CIMIP5: variants seen among roughly 807,000 people sequenced by gnomAD.
The protein encoded by CIMIP5 is ciliary microtubule inner protein 5, also known as uncharacterized protein C2orf50.
At chr2:11,152,060 C>T in the CIMIP5 span, among the ~76,000 whole-genome samples, 1 of 152,154 alleles carries the variant, frequency 6.6e-6, no homozygotes, top group Non-Finnish European at 1.5e-5. Flanking sequence ...TCTTCTGTTC[C>T]CGAGCGGGGA....
At chr2:11,148,417 A>G in the CIMIP5 span, among the ~76,000 whole-genome samples, 4 of 151,966 alleles carry the variant, frequency 2.6e-5, no homozygotes, top group Non-Finnish European at 5.9e-5. Flanking sequence ...GCGCCCAGCC[A>G]ACTTTCCACA....
chr2:11,134,437 C>A, the CIMIP5 span, among the ~76,000 whole-genome samples: 1 of 152,198 alleles, frequency 6.6e-6, no homozygotes, highest in Non-Finnish European at 1.5e-5. Flanking sequence ...AGGATGCATT[C>A]ATCTTGCACC....
chr2:11,133,722 A>T, the CIMIP5 span: 3 of 1,379,278 alleles, frequency 2.2e-6, no homozygotes, highest in African/African-American at 4.4e-5. Context: ...TGCCCGGGGG[A>T]AGGTGGGTCA....
the CIMIP5 span, chr2:11,144,042 C>T: frequency 6.2e-7 from 1 of 1,605,708 alleles, no homozygotes; most frequent in Non-Finnish European, 8.5e-7. Context: ...AGACTCTCAT[C>T]CGCATGGACT....
chr2:11,152,812 G>A, the CIMIP5 span, among the ~76,000 whole-genome samples: 6 of 152,122 alleles, frequency 3.9e-5, no homozygotes, highest in South Asian at 2.1e-4. Context: ...GAGATGTCCC[G>A]CTGGGCATGG....
chr2:11,143,988 C>G, the CIMIP5 span: 1 of 1,607,300 alleles, frequency 6.2e-7, no homozygotes, highest in African/African-American at 1.3e-5. Flanking sequence ...TTCCCAGTTC[C>G]ACGAACCAGG....
At chr2:11,141,375 G>A in the CIMIP5 span, among the ~76,000 whole-genome samples, 5 of 151,718 alleles carry the variant, frequency 3.3e-5, no homozygotes, top group Non-Finnish European at 7.4e-5. Context: ...TTAGCCAACT[G>A]CCTCGGCTTC....
chr2:11,142,371 T>C, the CIMIP5 span, among the ~76,000 whole-genome samples: 1 of 150,994 alleles, frequency 6.6e-6, no homozygotes, highest in South Asian at 2.1e-4. Flanking sequence ...CCCTGCCAGG[T>C]TGAGGAAAGT....
At chr2:11,154,486 G>A in the CIMIP5 span, among the ~76,000 whole-genome samples, 1 of 152,208 alleles carries the variant, frequency 6.6e-6, no homozygotes, top group African/African-American at 2.4e-5. Flanking sequence ...ACAAAACCAG[G>A]GATCGTGGAT....
the CIMIP5 span, chr2:11,143,967 T>C: frequency 6.2e-7 from 1 of 1,605,160 alleles, no homozygotes; most frequent in South Asian, 1.1e-5. Context: ...TGCCTCTCTT[T>C]TCGGACACAG....
chr2:11,154,309 C>T, the CIMIP5 span, among the ~76,000 whole-genome samples: 2 of 151,924 alleles, frequency 1.3e-5, no homozygotes, highest in Non-Finnish European at 2.9e-5. Flanking sequence ...TCTGAACATC[C>T]TTTTCTCATT....
chr2:11,147,298 G>C, the CIMIP5 span, among the ~76,000 whole-genome samples: 140,142 of 152,278 alleles, frequency 0.92, 64,602 homozygotes, highest in East Asian at 1. Flanking sequence ...TGCCTTCCCC[G>C]CTCCAGGCCT....
chr2:11,140,995 T>C, the CIMIP5 span, among the ~76,000 whole-genome samples: 3 of 152,164 alleles, frequency 2.0e-5, no homozygotes, highest in African/African-American at 4.8e-5. Context: ...GAACTGGCCA[T>C]GTAGCTCCCC....
the CIMIP5 span, among the ~76,000 whole-genome samples, chr2:11,138,857 CTTCCTGTACAGCCTGT>C: frequency 3.3e-5 from 5 of 152,150 alleles, no homozygotes; most frequent in South Asian, 8.3e-4. Flanking sequence ...CAGCATCCTG[CTTCCTGTACAGCCTGT>C]GGAACTGTTA....
the CIMIP5 span, among the ~76,000 whole-genome samples, chr2:11,140,727 A>G: frequency 6.6e-6 from 1 of 152,206 alleles, no homozygotes; most frequent in Non-Finnish European, 1.5e-5. Flanking sequence ...AAACAGTTAC[A>G]TGAAGCATTT....
the CIMIP5 span, among the ~76,000 whole-genome samples, chr2:11,137,021 C>T: frequency 1.1e-4 from 17 of 152,174 alleles, no homozygotes; most frequent in African/African-American, 4.1e-4. Context: ...TGCTGCCCAA[C>T]GGAAATACAA....
At chr2:11,140,426 G>A in the CIMIP5 span, 1 of 737,930 alleles carries the variant, frequency 1.4e-6, no homozygotes, top group Non-Finnish European at 2.2e-6. Context: ...GTGATACATT[G>A]TTGCATTGAC....
At chr2:11,136,384 G>A in the CIMIP5 span, among the ~76,000 whole-genome samples, 1 of 152,224 alleles carries the variant, frequency 6.6e-6, no homozygotes, top group Non-Finnish European at 1.5e-5. Context: ...GTAAATGTGG[G>A]AGGAAAGGTG....
At chr2:11,146,352 A>G in the CIMIP5 span, among the ~76,000 whole-genome samples, 37 of 152,310 alleles carry the variant, frequency 2.4e-4, no homozygotes, top group African/African-American at 8.9e-4. Flanking sequence ...TCCAAGGACT[A>G]TATACTTAAG....
Sources: allele counts gnomAD v4.1 joint callset (sites outside exome capture counted in the v4.1 genomes callset), GRCh38; gene constraint gnomAD v4.1.1; transcripts MANE v1.5; gene names NCBI Gene and HGNC (gene_info 2026-07-23, HGNC 2026-07-21).